Variants in GBGT1 observed in about 807,000 individuals in gnomAD.
GBGT1 encodes globoside alpha-1,3-N-acetylgalactosaminyltransferase 1.
A neutral mutation model predicts 20.9 loss-of-function variants in GBGT1; 18 were observed. That is an observed-to-expected ratio of 0.86 (90% CI 0.60 to 1.28). GBGT1 has a LOEUF of 1.28. Ranked by LOEUF, GBGT1 falls within the 50% of genes most tolerant of loss-of-function variation. The probability of loss-of-function intolerance (pLI) is 0.00; values close to 1 mark genes in which losing one functional copy is unlikely to be tolerated. For missense variants in GBGT1, 432 were observed against 455.7 expected (o/e 0.95, Z 0.47); for synonymous variants, 168 against 180.8 (o/e 0.93, Z 0.57).
chr9:133,155,388 C>T (rs1451589035), intron 5 of GBGT1, 76 bp from the exon 6 acceptor site: 6 of 1,572,384 alleles, frequency 3.8e-6, no homozygotes, highest in African/African-American at 1.3e-5. Context: ...CTGGCTCTCA[C>T]ACTGTGTGAC....
rs1588591664 is a variant in GBGT1, at chr9:133,161,181, C to A, written c.137+286G>T. The A allele has an allele frequency of 9.4e-6, 4 of 423,306 alleles. No homozygotes were observed. The East Asian group carries it at 1.4e-4, about 15-fold the overall frequency. The allele number at this position is 423,306 out of a possible 1,614,324, so 26.2% of individuals were successfully genotyped here. A position where few individuals can be genotyped will look rare whatever the true frequency, so the allele number is the denominator to read the frequency against. ...AGCAGGCTGTTTATGGGCATCTTTG[C>A]ACTCTGTGTTCTCAGTGGCCAGACA... is the stretch of plus-strand genomic sequence containing the variant. On this transcript the variant is annotated intron_variant, in intron 3 of 6. Transcript: ENST00000372040.
chr9:133,154,993 T>C lies in GBGT1; in HGVS notation c.359+185A>G. On this transcript the variant is annotated intron_variant, in intron 6 of 6. Coordinates refer to ENST00000372040, the MANE Select transcript of GBGT1 (RefSeq NM_021996.6). This position sits in a 1 kb window ranked among gnomAD's most constrained non-coding sequence, Gnocchi z 4.2. ...CTGTCTATGCTAGAGCCAGATCCCC[T>C]ACTCCAGGAAGCTCCCATCCCACTA... 1.7e-6 allele frequency: 1 copy of C among 585,654 alleles called. No homozygotes were observed. The highest frequency in any genetic ancestry group is 3.0e-6 in the Non-Finnish European group (1 of 328,522). 36.3% of individuals were successfully genotyped at this position (585,654 alleles called of 1,614,324 possible).
rs184216845 is a variant in GBGT1, at chr9:133,157,864, C to T, written c.138-1799G>A. ...AGCGAGGTGCAGAGAAGGGAAAGACCGGCCGGGCGTGGTGGCTCATGCCTG... is the reference window on the plus strand; with the variant it reads ...AGCGAGGTGCAGAGAAGGGAAAGACTGGCCGGGCGTGGTGGCTCATGCCTG... On this transcript the variant is annotated intron_variant, in intron 3 of 6. Transcript: ENST00000372040. 2.4e-3 allele frequency among the ~76,000 whole-genome samples: 368 copies of T among 152,254 alleles called. 1 individual carries two copies. Among genetic ancestry groups the T allele is most frequent in the Non-Finnish European group, 3.2e-3 (215 of 68,018 alleles).
At chr9:133,157,568 G>A (rs1028704655) in intron 3 of GBGT1, among the ~76,000 whole-genome samples, 5 of 152,274 alleles carry the variant, frequency 3.3e-5, no homozygotes, top group Non-Finnish European at 7.3e-5. Context: ...CCAGCATGGA[G>A]CAAGTGCTCA....
intron 3 of GBGT1, chr9:133,160,118 T>C (rs1038614147): frequency 1.2e-5 from 4 of 332,642 alleles, no homozygotes; most frequent in Admixed American, 3.3e-5. Context: ...GATGAAATGC[T>C]GTTTCTACTA....
In GBGT1 at chr9:133,154,138, G is replaced by C; in HGVS notation, c.483C>G (p.Pro161=). Residue 161 remains proline, a synonymous_variant, in exon 7 of 7, where the codon CCC becomes CCG. Coordinates refer to ENST00000372040, the MANE Select transcript of GBGT1 (RefSeq NM_021996.6). This position sits in a 1 kb window ranked among gnomAD's most constrained non-coding sequence, Gnocchi z 4.2. ...PAAVPGVPLG[P]HRLLSSIPIQ... is the part of the protein sequence containing the mutation. ...TGGGGATGGAGCTGAGAAGCCGGTG[G>C]GGACCCAGCGGGACCCCGGGAACGG... 1 of 1,600,212 alleles carries C rather than the reference G, an allele frequency of 6.2e-7. No homozygotes were observed. The highest frequency in any genetic ancestry group is 8.6e-7 in the Non-Finnish European group (1 of 1,169,282).
At chr9:133,158,588 G>A (rs1832944511) in intron 3 of GBGT1, among the ~76,000 whole-genome samples, 1 of 152,116 alleles carries the variant, frequency 6.6e-6, no homozygotes, top group Non-Finnish European at 1.5e-5. Context: ...CTGGTCCCCT[G>A]TGAGTTTCAA....
intron 3 of GBGT1, 29 bp from the exon 4 acceptor site, chr9:133,156,094 A>G (rs1360479012): frequency 3.1e-6 from 5 of 1,612,946 alleles, no homozygotes; most frequent in African/African-American, 1.3e-5. Flanking sequence ...AAGAGCCATC[A>G]TCATGGGTCT....
chr9:133,155,762 G>T, intron 5 of GBGT1, 139 bp downstream of exon 5: 4 of 894,510 alleles, frequency 4.5e-6, no homozygotes, highest in Non-Finnish European at 7.2e-6. Flanking sequence ...CTGACTCCCA[G>T]CCCTGTGTCT....
intron 3 of GBGT1, among the ~76,000 whole-genome samples, chr9:133,158,074 G>A (rs13295920): frequency 6.6e-6 from 1 of 152,086 alleles, no homozygotes; most frequent in Non-Finnish European, 1.5e-5. Flanking sequence ...GAACCCGGGA[G>A]GCTGAGGGTG....
intron 3 of GBGT1, chr9:133,160,310 T>TAATAATAAA (rs1554748595): frequency 3.0e-4 from 43 of 144,966 alleles, no homozygotes; most frequent in Admixed American, 3.5e-4. Context: ...ATAATAATAA[T>TAATAATAAA]AAATAAAATT....
chr9:133,153,363 C>G lies in GBGT1; in HGVS notation c.*214G>C. Reference sequence around the variant, plus strand: ...CCTTTGTAACTGCGCCTCCCCTCCCCCTGTCTCACTGTTCCCATGCCGCGT... The same window carrying G: ...CCTTTGTAACTGCGCCTCCCCTCCCGCTGTCTCACTGTTCCCATGCCGCGT... On this transcript the variant is annotated 3_prime_UTR_variant, in exon 7 of 7. Coordinates refer to ENST00000372040, the MANE Select transcript of GBGT1 (RefSeq NM_021996.6). 2 of 395,320 alleles carry G rather than the reference C, an allele frequency of 5.1e-6. No individual in the cohort carries two copies. The highest frequency in any genetic ancestry group is 8.9e-6 in the Non-Finnish European group (2 of 223,782). The allele number at this position is 395,320 out of a possible 1,614,324, so 24.5% of individuals were successfully genotyped here.
At chr9:133,157,334 T>C (rs35956536) in intron 3 of GBGT1, among the ~76,000 whole-genome samples, 2,090 of 151,718 alleles carry the variant, frequency 0.014, 58 homozygotes, top group African/African-American at 0.048. Flanking sequence ...CTGTGGTGTC[T>C]GCTCCTATCT....
intron 2 of GBGT1, 38 bp from the exon 3 acceptor site, chr9:133,161,570 C>T (rs1362918636): frequency 6.8e-6 from 10 of 1,467,936 alleles, no homozygotes; most frequent in African/African-American, 2.8e-5. Flanking sequence ...TGTTGATCCA[C>T]TCTGCACCAG....
rs936042038 is a variant in GBGT1 at position 133,153,189 on chromosome 9, C to G, written c.*388G>C. On this transcript the variant is annotated 3_prime_UTR_variant, in exon 7 of 7. Coordinates refer to ENST00000372040, the MANE Select transcript of GBGT1 (RefSeq NM_021996.6). The stretch of plus-strand genomic sequence containing the variant: ...AAAAGGGGTCTAGGGCGCCTTCACA[C>G]CAGGGTATTAGAAATGCTACGTTAA... 1 of 163,982 alleles carries G rather than the reference C, an allele frequency of 6.1e-6. No homozygotes were observed. Among genetic ancestry groups the G allele is most frequent in the African/African-American group, 2.4e-5 (1 of 41,894 alleles). 10.2% of individuals were successfully genotyped at this position (163,982 alleles called of 1,614,324 possible).
chr9:133,154,946 C>G lies in GBGT1; in HGVS notation c.359+232G>C, dbSNP rs967216918. ...GCCTCCTGACAAAGGCTCCTGCTGT[C>G]CCCTCACCTGGACTCTGCATCCTGT... On this transcript the variant is annotated intron_variant, in intron 6 of 6. Transcript: ENST00000372040. This position sits in a 1 kb window ranked among gnomAD's most constrained non-coding sequence, Gnocchi z 4.2. 2.0e-6 allele frequency: 1 copy of G among 488,008 alleles called. No individual in the cohort carries two copies. The highest frequency in any genetic ancestry group is 3.4e-5 in the Admixed American group (1 of 29,134). 30.2% of individuals were successfully genotyped at this position (488,008 alleles called of 1,614,324 possible).
chr9:133,160,668 AAG>A (rs1833010753), intron 3 of GBGT1, among the ~76,000 whole-genome samples: 2 of 152,116 alleles, frequency 1.3e-5, no homozygotes, highest in South Asian at 4.2e-4. Flanking sequence ...GGTGGTGGGA[AAG>A]AGAGAGAGGC....
intron 3 of GBGT1, among the ~76,000 whole-genome samples, chr9:133,159,056 GA>G (rs1832958838): frequency 1.3e-5 from 2 of 151,988 alleles, no homozygotes; most frequent in South Asian, 4.2e-4. Flanking sequence ...AGCCTCCTGG[GA>G]TCAAGTGATT....
intron 3 of GBGT1, chr9:133,161,182 ACT>A: frequency 4.7e-6 from 2 of 424,002 alleles, no homozygotes; most frequent in East Asian, 6.9e-5. Context: ...GCATCTTTGC[ACT>A]CTGTGTTCTC....
Sources: allele counts gnomAD v4.1 joint callset (sites outside exome capture counted in the v4.1 genomes callset), GRCh38; gene constraint gnomAD v4.1.1; non-coding constraint Gnocchi (gnomAD v3.1); transcripts MANE v1.5; gene names NCBI Gene and HGNC (gene_info 2026-07-23, HGNC 2026-07-21).